The following MRPS18C variants were observed in gnomAD, a reference collection of about 807,000 sequenced individuals.
The protein encoded by MRPS18C is mitochondrial ribosomal protein S18C, also known as small ribosomal subunit protein bS18m.
In MRPS18C, 21 loss-of-function variants were observed where a neutral mutation model predicts 21.0. The observed-to-expected ratio is 1.00, with a 90% CI of 0.71 to 1.44. MRPS18C has a LOEUF of 1.44. Ranked by LOEUF, MRPS18C falls within the 40% of genes most tolerant of loss-of-function variation. The pLI is 0.00. For missense variants in MRPS18C, 152 were observed against 171.5 expected, an observed-to-expected ratio of 0.89 and a Z score of 0.64; for synonymous variants, 65 against 54.3, an observed-to-expected ratio of 1.20 and a Z score of -0.87.
rs534293909 is a variant in MRPS18C, at chr4:83,459,705, CT to C, written c.235-27del. 2,101 of 1,565,954 alleles carry C rather than the reference CT, an allele frequency of 1.3e-3. 12 individuals carry two copies. The highest frequency in any genetic ancestry group is 9.1e-3 in the South Asian group (785 of 86,404). Reference sequence around the variant, plus strand: ...CACATTCAGAAATAAATAACAGATACTTTTTTTTCCCCTCCACATAAAACTC... The same window carrying C: ...CACATTCAGAAATAAATAACAGATACTTTTTTTCCCCTCCACATAAAACTC... On this transcript the variant is annotated intron_variant, in intron 3 of 5. Coordinates refer to ENST00000295491, the MANE Select transcript of MRPS18C (RefSeq NM_016067.4).
At chr4:83,458,194 TAAACTA>T in intron 2 of MRPS18C, 146 bp from the exon 3 acceptor site, 1 of 576,546 alleles carries the variant, frequency 1.7e-6, no homozygotes, top group Non-Finnish European at 3.0e-6. Flanking sequence ...ATCCGTAGGC[TAAACTA>T]AAACAAAATA....
intron 3 of MRPS18C, among the ~76,000 whole-genome samples, chr4:83,459,347 T>C (rs1228356031): frequency 6.6e-6 from 1 of 152,122 alleles, no homozygotes; most frequent in Non-Finnish European, 1.5e-5. Flanking sequence ...CCTGGTGTAC[T>C]TGTACCTCTT....
At chr4:83,459,861 A>T (rs1225165700) in intron 4 of MRPS18C, 64 bp downstream of exon 4, 2 of 1,393,228 alleles carry the variant, frequency 1.4e-6, no homozygotes, top group African/African-American at 2.9e-5. Context: ...TATTTCTATC[A>T]TTTAAGAAAA....
chr4:83,461,253 C>A lies in MRPS18C; in HGVS notation c.*56C>A. ...TTTACAGTAAGTGGTTGTATGATGCCAATACTGACTCAAACCAACCTTTGG... is the reference window on the plus strand; with the variant it reads ...TTTACAGTAAGTGGTTGTATGATGCAAATACTGACTCAAACCAACCTTTGG... On this transcript the variant is annotated 3_prime_UTR_variant, in exon 6 of 6. Transcript: ENST00000295491. 1.3e-6 allele frequency: 2 copies of A among 1,510,362 alleles called. No individual in the cohort carries two copies. Among genetic ancestry groups the A allele is most frequent in the Non-Finnish European group, 9.2e-7 (1 of 1,089,150 alleles). 93.6% of individuals were successfully genotyped at this position (1,510,362 alleles called of 1,614,324 possible).
intron 3 of MRPS18C, chr4:83,459,368 T>C (rs1297542926): frequency 5.9e-6 from 1 of 169,616 alleles, no homozygotes; most frequent in Non-Finnish European, 1.3e-5. Context: ...GAAAATCTCA[T>C]TACCCCCTGA....
chr4:83,459,563 A>G (rs528960369), intron 3 of MRPS18C, 177 bp from the exon 4 acceptor site: 1 of 569,068 alleles, frequency 1.8e-6, no homozygotes, highest in Admixed American at 3.4e-5. Flanking sequence ...GACACACTGG[A>G]TAGAAAATAT....
chr4:83,458,998 T>G (rs1202472066), intron 3 of MRPS18C: 1 of 152,172 alleles, frequency 6.6e-6, no homozygotes, highest in Non-Finnish European at 1.5e-5. Context: ...ATACAAAAAT[T>G]AGCTGAGTGT....
At chr4:83,458,226 A>G (rs1721938268) in intron 2 of MRPS18C, 120 bp from the exon 3 acceptor site, 1 of 694,734 alleles carries the variant, frequency 1.4e-6, no homozygotes, top group Non-Finnish European at 2.4e-6. Flanking sequence ...CTTATACAAA[A>G]TATGTACACA....
chr4:83,460,031 T>C (rs1277915463), intron 4 of MRPS18C: 3 of 373,996 alleles, frequency 8.0e-6, no homozygotes, highest in Non-Finnish European at 1.4e-5. Flanking sequence ...AAAACTGTTG[T>C]TGATGTTTTG....
chr4:83,461,442 C>T lies in MRPS18C; in HGVS notation c.*245C>T. The T allele has an allele frequency of 2.2e-6, 1 of 458,014 alleles. No individual in the cohort carries two copies. Among genetic ancestry groups the T allele is most frequent in the Non-Finnish European group, 4.0e-6 (1 of 249,152 alleles). 28.4% of individuals were successfully genotyped at this position (458,014 alleles called of 1,614,324 possible). On this transcript the variant is annotated 3_prime_UTR_variant, in exon 6 of 6. Transcript: ENST00000295491. ...TCATTTATATCTGATCCCCAAATAG[C>T]TCATACAATAATCCATTCAATAGAA...
In MRPS18C at chr4:83,461,271, A is replaced by G. The variant is rs550697211; in HGVS notation, c.*74A>G. ...ATGATGCCAATACTGACTCAAACCA[A>G]CCTTTGGATAGAAAAGTGTTTGAGG... is the stretch of plus-strand genomic sequence containing the variant. On this transcript the variant is annotated 3_prime_UTR_variant, in exon 6 of 6. Transcript: ENST00000295491. 7.8e-7 allele frequency: 1 copy of G among 1,280,208 alleles called. No individual in the cohort carries two copies. Among genetic ancestry groups the G allele is most frequent in the East Asian group, 2.3e-5 (1 of 43,114 alleles). 79.3% of individuals were successfully genotyped at this position (1,280,208 alleles called of 1,614,324 possible). A position where few individuals can be genotyped will look rare whatever the true frequency, so the allele number is the denominator to read the frequency against.
intron 1 of MRPS18C, 104 bp downstream of exon 1, chr4:83,456,281 C>T: frequency 2.0e-6 from 2 of 1,017,534 alleles, no homozygotes; most frequent in Non-Finnish European, 1.5e-6. Flanking sequence ...GGTTTCTAGG[C>T]GATTAAGTTT....
intron 1 of MRPS18C, 56 bp from the exon 2 acceptor site, chr4:83,456,853 T>G: frequency 6.4e-7 from 1 of 1,572,600 alleles, no homozygotes; most frequent in Non-Finnish European, 8.7e-7. Context: ...ACAAAAATCT[T>G]TAGCTATTCA....
In MRPS18C at chr4:83,459,723, A is replaced by G. The variant is rs1193248255; in HGVS notation, c.235-17A>G. ...ACAGATACTTTTTTTTCCCCTCCAC[A>G]TAAAACTCCAAAACAGCTTTTGTCC... On this transcript the variant is annotated splice_polypyrimidine_tract_variant and intron_variant, in intron 3 of 5. Transcript: ENST00000295491. The G allele has an allele frequency of 1.9e-6, 3 of 1,605,720 alleles. No individual in the cohort carries two copies. The highest frequency in any genetic ancestry group is 2.6e-6 in the Non-Finnish European group (3 of 1,175,994).
In MRPS18C at chr4:83,461,554, A is replaced by G; in HGVS notation, c.*357A>G. On this transcript the variant is annotated 3_prime_UTR_variant, in exon 6 of 6. Transcript: ENST00000295491. ...TATCTTCCCTTTGTAGAAATGTTACATTGGGATGGATAGTGGTGCTGTCAC... is the reference window on the plus strand; with the variant it reads ...TATCTTCCCTTTGTAGAAATGTTACGTTGGGATGGATAGTGGTGCTGTCAC... The G allele has an allele frequency of 3.1e-6, 1 of 322,730 alleles. No individual in the cohort carries two copies. Among genetic ancestry groups the G allele is most frequent in the South Asian group, 5.2e-5 (1 of 19,048 alleles). The allele number at this position is 322,730 out of a possible 1,614,324, so 20.0% of individuals were successfully genotyped here.
chr4:83,458,026 C>G (rs1185546302), intron 2 of MRPS18C: 6 of 267,304 alleles, frequency 2.2e-5, no homozygotes, highest in African/African-American at 9.3e-5. Context: ...CATATGTTAT[C>G]TATTGTGTTG....
intron 3 of MRPS18C, 152 bp downstream of exon 3, chr4:83,458,581 C>T: frequency 1.9e-6 from 1 of 530,854 alleles, no homozygotes; most frequent in South Asian, 2.7e-5. Flanking sequence ...TATGTATAAG[C>T]TTATCTCTGC....
At chr4:83,459,682 C>T (rs1371278525) in intron 3 of MRPS18C, 58 bp from the exon 4 acceptor site, 1 of 1,465,678 alleles carries the variant, frequency 6.8e-7, no homozygotes, top group Non-Finnish European at 9.4e-7. Flanking sequence ...GAAATTTACA[C>T]ATTCAGAAAT....
At position 83,461,088 on chromosome 4, in the gene MRPS18C, G is replaced by A. The variant is rs188443986; in HGVS notation, c.353-33G>A. On this transcript the variant is annotated intron_variant, in intron 5 of 5. Coordinates refer to ENST00000295491, the MANE Select transcript of MRPS18C (RefSeq NM_016067.4). ...AGCTAGCTGAAATTTTGCTCATTAT[G>A]TTTTGTCAAGAACTTTAATTATCTC... 1.6e-3 allele frequency: 2,630 copies of A among 1,612,982 alleles called. 4 individuals are homozygous for A. The highest frequency in any genetic ancestry group is 1.9e-3 in the Non-Finnish European group (2,237 of 1,179,118).
Sources: allele counts gnomAD v4.1 joint callset (sites outside exome capture counted in the v4.1 genomes callset), GRCh38; gene constraint gnomAD v4.1.1; transcripts MANE v1.5; gene names NCBI Gene and HGNC (gene_info 2026-07-23, HGNC 2026-07-21).